ABCC4: variants seen among roughly 807,000 people sequenced by gnomAD.
ABCC4 encodes the protein ATP-binding cassette sub-family C member 4.
Under a neutral mutation model 168.5 loss-of-function variants are expected in ABCC4, and 102 were observed. That is an observed-to-expected ratio of 0.61 (90% CI 0.52 to 0.71). ABCC4 has a LOEUF of 0.71. ABCC4 is among the 30% of genes least tolerant of loss of function. The pLI is 0.00. For missense variants in ABCC4, 1,402 were observed against 1,605.8 expected (o/e 0.87, Z 2.17); for synonymous variants, 617 against 590.7 (o/e 1.04, Z -0.65).
chr13:95,203,437 A>C (rs1347058919), intron 8 of ABCC4, among the ~76,000 whole-genome samples: 1 of 151,412 alleles, frequency 6.6e-6, no homozygotes, highest in African/African-American at 2.4e-5. Context: ...TTTGGGTTCA[A>C]GCAAGCCTGA....
chr13:95,285,284 C>T (rs954268219), intron 1 of ABCC4, among the ~76,000 whole-genome samples: 2 of 151,026 alleles, frequency 1.3e-5, no homozygotes, highest in African/African-American at 4.9e-5. Flanking sequence ...GGCGTGGTAG[C>T]TTACACCTGT....
chr13:95,190,916 C>T (rs1480141597), intron 9 of ABCC4, among the ~76,000 whole-genome samples: 1 of 152,176 alleles, frequency 6.6e-6, no homozygotes, highest in African/African-American at 2.4e-5. Context: ...GGTAAATGCT[C>T]ATCCATATCA....
At chr13:95,160,352 C>T (rs2037053104) in intron 19 of ABCC4, among the ~76,000 whole-genome samples, 1 of 152,152 alleles carries the variant, frequency 6.6e-6, no homozygotes, top group Non-Finnish European at 1.5e-5. Flanking sequence ...CTCAGGCCTC[C>T]CCACAAGTCC....
chr13:95,125,066 C>T (rs1428781823), intron 19 of ABCC4, among the ~76,000 whole-genome samples: 1 of 151,922 alleles, frequency 6.6e-6, no homozygotes, highest in African/African-American at 2.4e-5. Flanking sequence ...AAAACTATGA[C>T]ACAGATACTG....
intron 3 of ABCC4, among the ~76,000 whole-genome samples, chr13:95,240,329 C>T (rs1000717701): frequency 5.3e-5 from 8 of 152,138 alleles, no homozygotes; most frequent in East Asian, 1.9e-4. Flanking sequence ...GTCAGGAGTT[C>T]GAGACCAGCC....
At chr13:95,070,443 TG>T (rs1289727338) in intron 25 of ABCC4, among the ~76,000 whole-genome samples, 3 of 152,104 alleles carry the variant, frequency 2.0e-5, no homozygotes, top group African/African-American at 7.2e-5. Flanking sequence ...TCTACTGTCT[TG>T]TTTGTTCTGG....
intron 11 of ABCC4, 64 bp from the exon 12 acceptor site, chr13:95,178,155 T>G: frequency 2.1e-6 from 3 of 1,449,816 alleles, no homozygotes; most frequent in South Asian, 2.3e-5. Flanking sequence ...CTCTGTTCTT[T>G]GTGTTCTTCC....
chr13:95,158,848 T>C (rs911245725), intron 19 of ABCC4, among the ~76,000 whole-genome samples: 2 of 151,782 alleles, frequency 1.3e-5, no homozygotes, highest in African/African-American at 4.8e-5. Context: ...GGCAGGAAGA[T>C]CCCTTGAGCA....
intron 27 of ABCC4, among the ~76,000 whole-genome samples, chr13:95,050,542 T>G (rs560875383): frequency 6.6e-6 from 1 of 152,314 alleles, no homozygotes; most frequent in Admixed American, 6.5e-5. Flanking sequence ...AATATAAGAA[T>G]GATTAAAAAC....
rs766299246 is a variant in ABCC4, at chr13:95,074,279, C to T, written c.2852G>A (p.Arg951His). 1.1e-5 allele frequency: 17 copies of T among 1,613,756 alleles called. No individual in the cohort carries two copies. The highest frequency in any genetic ancestry group is 2.2e-5 in the East Asian group (1 of 44,870). The part of the protein sequence containing the change: ...FLTTSRWFAV[R>H]LDAICAMFVI... ...AAACATGGCACAGATGGCATCCAGA[C>T]GGACGGCAAACCAGCGGGACGTTGT... The change falls in exon 23 of 31, where the codon CGT (arginine) becomes CAT (histidine). Residue 951 changes from arginine (R) to histidine (H), a missense_variant. By Grantham distance (29) the Arg-to-His change is conservative (BLOSUM62 0). Around this residue, in one of 3 missense-constraint regions of ABCC4, gnomAD observed 1,007 missense variants for 1,127.3 expected, o/e 0.89. Transcript: ENST00000645237.
At chr13:95,086,183 C>T (rs17234998) in intron 20 of ABCC4, among the ~76,000 whole-genome samples, 6,454 of 150,734 alleles carry the variant, frequency 0.043, 681 homozygotes, top group Admixed American at 0.25. Flanking sequence ...AAATAACAGA[C>T]TTCTCAGCTC....
intron 19 of ABCC4, among the ~76,000 whole-genome samples, chr13:95,131,676 C>T (rs2035971184): frequency 6.6e-6 from 1 of 151,978 alleles, no homozygotes; most frequent in Non-Finnish European, 1.5e-5. Context: ...TGTCAGGCGA[C>T]CTGGCACTCC....
At chr13:95,238,042 A>G (rs2039823406) in intron 3 of ABCC4, among the ~76,000 whole-genome samples, 1 of 151,878 alleles carries the variant, frequency 6.6e-6, no homozygotes, top group Non-Finnish European at 1.5e-5. Context: ...TAAAAACACA[A>G]AAATTAGCTG....
chr13:95,188,379 C>A lies in ABCC4; in HGVS notation c.1353+74G>T. ...CAGTTCAAAATTGTGTTACACGTAG[C>A]CTTGGGCTCAAACCCACGAAGTTAA... On this transcript the variant is annotated intron_variant, in intron 10 of 30. Coordinates refer to ENST00000645237, the MANE Select transcript of ABCC4 (RefSeq NM_005845.5). The A allele has an allele frequency of 5.1e-6, 7 of 1,360,306 alleles. No individual in the cohort carries two copies. The South Asian group carries it at 7.0e-5, about 14-fold the overall frequency. 84.3% of individuals were successfully genotyped at this position (1,360,306 alleles called of 1,614,324 possible).
chr13:95,285,977 T>C (rs2041246042), intron 1 of ABCC4, among the ~76,000 whole-genome samples: 1 of 152,148 alleles, frequency 6.6e-6, no homozygotes, highest in Admixed American at 6.6e-5. Context: ...GACCAGACTC[T>C]TCCCTACGTG....
chr13:95,122,443 A>G (rs4148518), intron 19 of ABCC4, among the ~76,000 whole-genome samples: 8,628 of 152,276 alleles, frequency 0.057, 399 homozygotes, highest in East Asian at 0.24. Flanking sequence ...TTTATTTTAC[A>G]TAATTACCAG....
intron 13 of ABCC4, among the ~76,000 whole-genome samples, chr13:95,175,618 C>G (rs12584917): frequency 2.0e-5 from 3 of 152,090 alleles, no homozygotes; most frequent in African/African-American, 7.2e-5. Flanking sequence ...AACACAGAAC[C>G]TTTAGAGAAG....
intron 29 of ABCC4, among the ~76,000 whole-genome samples, chr13:95,037,100 A>AAAAAAC (rs2032156448): frequency 6.6e-6 from 1 of 151,168 alleles, no homozygotes; most frequent in Non-Finnish European, 1.5e-5. Context: ...AAAAAAAAAA[A>AAAAAAC]AACCCCAAAA....
At chr13:95,244,225 T>G (rs543849887) in intron 3 of ABCC4, among the ~76,000 whole-genome samples, 6 of 152,182 alleles carry the variant, frequency 3.9e-5, no homozygotes, top group Admixed American at 3.9e-4. Context: ...GGCTCTGTCA[T>G]TTACACTTTG....
Sources: gnomAD v4.1 joint callset for allele counts (sites outside exome capture counted in the v4.1 genomes callset) on GRCh38, gnomAD v4.1.1 for gene constraint, gnomAD v4.1.1 regional missense constraint, MANE v1.5 for transcripts, NCBI Gene and HGNC (gene_info 2026-07-23, HGNC 2026-07-21) for gene names.